Variants in DGKB observed in about 807,000 individuals in gnomAD.
The protein encoded by DGKB is 90 kDa diacylglycerol kinase.
A neutral mutation model predicts 114.3 loss-of-function variants in DGKB; 67 were observed. The observed-to-expected ratio is 0.59, with a 90% CI of 0.48 to 0.72. The LOEUF (loss-of-function observed/expected upper bound fraction) is 0.72. DGKB is among the 30% of genes least tolerant of loss of function. The pLI, the probability that DGKB is intolerant of heterozygous loss-of-function variation, is 0.00. For synonymous variants in DGKB, 398 were observed against 323.1 expected, an observed-to-expected ratio of 1.23 and a Z score of -2.49; for missense variants, 907 against 975.2, an observed-to-expected ratio of 0.93 and a Z score of 0.93.
intron 4 of DGKB, among the ~76,000 whole-genome samples, chr7:14,744,764 G>T (rs1423113317): frequency 6.6e-6 from 1 of 152,158 alleles, no homozygotes; most frequent in East Asian, 1.9e-4. Context: ...AATGAGGACT[G>T]GGGAGATAAA....
chr7:14,620,444 C>T (rs1807400703), intron 15 of DGKB, among the ~76,000 whole-genome samples: 1 of 150,552 alleles, frequency 6.6e-6, no homozygotes. Context: ...TGAAAAAATA[C>T]AAAAGACATA....
intron 20 of DGKB, among the ~76,000 whole-genome samples, chr7:14,554,649 C>T (rs1795612283): frequency 6.6e-6 from 1 of 152,046 alleles, no homozygotes; most frequent in East Asian, 1.9e-4. Context: ...TTTCTATTTA[C>T]ATCATCATGT....
rs746976583 is a variant in DGKB, at chr7:14,196,310, T to G, written c.2123-18159A>C. On this transcript the variant is annotated intron_variant, in intron 23 of 25. Transcript: ENST00000402815. The stretch of plus-strand genomic sequence containing the variant: ...TCATGCCTCAAAGAAAGAATTATTC[T>G]AGTCATAAAAGCCTGCTAAAGTTTT... Among the ~76,000 whole-genome samples the G allele has an allele frequency of 2.7e-4, 41 of 152,158 alleles. 1 individual carries two copies. Among genetic ancestry groups the G allele is most frequent in the African/African-American group, 9.7e-4 (40 of 41,450 alleles).
intron 1 of DGKB, among the ~76,000 whole-genome samples, chr7:14,890,499 G>A (rs1469021231): frequency 2.6e-5 from 4 of 151,378 alleles, no homozygotes; most frequent in African/African-American, 9.7e-5. Flanking sequence ...AAGAAATGAA[G>A]TCCTAGCACA....
chr7:14,325,899 T>G lies in DGKB; in HGVS notation c.2122+12616A>C, dbSNP rs1477474376. ...TTCTAGATGGGTAGCTTTGTGCATA[T>G]TTTAAATTTTATAGAAAAATAATAC... On this transcript the variant is annotated intron_variant, in intron 23 of 25. Coordinates refer to ENST00000402815, the MANE Select transcript of DGKB (RefSeq NM_001350709.2). Among the ~76,000 whole-genome samples the G allele has an allele frequency of 2.6e-5, 4 of 152,252 alleles. No individual in the cohort carries two copies. The East Asian group carries it at 7.7e-4, about 29-fold the overall frequency.
intron 23 of DGKB, among the ~76,000 whole-genome samples, chr7:14,301,768 T>G (rs887050949): frequency 6.6e-6 from 1 of 152,112 alleles, no homozygotes; most frequent in Admixed American, 6.5e-5. Context: ...ACCATCTGGC[T>G]AAAGATGGAG....
intron 20 of DGKB, among the ~76,000 whole-genome samples, chr7:14,498,233 G>T (rs1431529): frequency 0.024 from 3,588 of 151,868 alleles, 133 homozygotes; most frequent in African/African-American, 0.082. Context: ...AATAGCATTT[G>T]TTGATTTGTT....
intron 7 of DGKB, among the ~76,000 whole-genome samples, chr7:14,699,668 C>T (rs746472195): frequency 6.6e-6 from 1 of 152,022 alleles, no homozygotes; most frequent in Non-Finnish European, 1.5e-5. Flanking sequence ...GGTACCAAGA[C>T]ACATGATGTC....
At chr7:14,417,588 C>T (rs1825902582) in intron 21 of DGKB, among the ~76,000 whole-genome samples, 1 of 151,962 alleles carries the variant, frequency 6.6e-6, no homozygotes, top group Admixed American at 6.6e-5. Flanking sequence ...AAAAATCATT[C>T]ACCCAATTTA....
intron 20 of DGKB, among the ~76,000 whole-genome samples, chr7:14,522,825 C>G (rs750293674): frequency 5.3e-5 from 8 of 152,100 alleles, no homozygotes; most frequent in Non-Finnish European, 1.0e-4. Context: ...TGACTTTCGA[C>G]TGCTTGATTT....
chr7:14,822,259 T>C (rs1007307712), intron 2 of DGKB, among the ~76,000 whole-genome samples: 1 of 152,090 alleles, frequency 6.6e-6, no homozygotes, highest in Non-Finnish European at 1.5e-5. Flanking sequence ...TTGTCACACA[T>C]GTGATATTTA....
intron 13 of DGKB, among the ~76,000 whole-genome samples, chr7:14,672,311 G>A (rs913657690): frequency 2.0e-5 from 3 of 151,988 alleles, no homozygotes; most frequent in African/African-American, 7.2e-5. Context: ...TTTGGGTTTT[G>A]AATATGAATA....
intron 1 of DGKB, among the ~76,000 whole-genome samples, chr7:14,963,417 T>G (rs10260855): frequency 0.027 from 4,047 of 152,240 alleles, 154 homozygotes; most frequent in African/African-American, 0.091. Flanking sequence ...CTACTAAGTA[T>G]TTGATTGAAG....
intron 17 of DGKB, among the ~76,000 whole-genome samples, chr7:14,591,878 T>G (rs951303843): frequency 1.3e-5 from 2 of 152,012 alleles, no homozygotes; most frequent in African/African-American, 4.8e-5. Flanking sequence ...TGTTATTAGG[T>G]ACAAAGCACA....
At position 14,327,466 on chromosome 7, in the gene DGKB, AT is replaced by A. The variant is rs375762640; in HGVS notation, c.2122+11048del. 8.1e-4 allele frequency among the ~76,000 whole-genome samples: 124 copies of A among 152,276 alleles called. 1 individual carries two copies. Among genetic ancestry groups the A allele is most frequent in the African/African-American group, 2.9e-3 (122 of 41,580 alleles). On this transcript the variant is annotated intron_variant, in intron 23 of 25. Coordinates refer to ENST00000402815, the MANE Select transcript of DGKB (RefSeq NM_001350709.2). The stretch of plus-strand genomic sequence containing the variant: ...TTGAAAATAATATCTAACTGCACAA[AT>A]GTATAAAATATCTAACTCAAAATAG...
chr7:14,571,889 C>A (rs909698504), intron 20 of DGKB, among the ~76,000 whole-genome samples: 2 of 152,116 alleles, frequency 1.3e-5, no homozygotes, highest in Non-Finnish European at 2.9e-5. Context: ...AAAGGCTCCA[C>A]AGGTAAGTCA....
intron 1 of DGKB, among the ~76,000 whole-genome samples, chr7:14,882,079 C>A (rs529950521): frequency 1.6e-4 from 25 of 151,776 alleles, no homozygotes; most frequent in Admixed American, 1.6e-3. Context: ...AAAAAAAATT[C>A]TACTTCAACA....
intron 1 of DGKB, among the ~76,000 whole-genome samples, chr7:14,851,252 A>G (rs1849308744): frequency 6.6e-6 from 1 of 152,196 alleles, no homozygotes; most frequent in African/African-American, 2.4e-5. Context: ...AAAAAATTCA[A>G]GGGAAATCTT....
intron 15 of DGKB, among the ~76,000 whole-genome samples, chr7:14,620,124 G>C (rs1467713704): frequency 6.6e-6 from 1 of 151,110 alleles, no homozygotes; most frequent in Non-Finnish European, 1.5e-5. Context: ...TTTTATATTT[G>C]ACAGCTCCTA....
Sources: gnomAD v4.1 joint callset for allele counts (sites outside exome capture counted in the v4.1 genomes callset) on GRCh38, gnomAD v4.1.1 for gene constraint, MANE v1.5 for transcripts, NCBI Gene and HGNC (gene_info 2026-07-23, HGNC 2026-07-21) for gene names.